Variants in PRKAG2 observed in about 807,000 individuals in gnomAD.
PRKAG2 encodes the protein 5'-AMP-activated protein kinase subunit gamma-2.
In PRKAG2, 26 loss-of-function variants were observed where a neutral mutation model predicts 69.6. That is an observed-to-expected ratio of 0.37 (90% CI 0.27 to 0.52). The LOEUF (loss-of-function observed/expected upper bound fraction) is 0.52. Ranked by LOEUF, PRKAG2 falls within the 20% of genes least tolerant of loss-of-function variation. PRKAG2 has a pLI of 0.90. For missense variants in PRKAG2, 557 were observed against 740.0 expected (o/e 0.75, Z 2.87); for synonymous variants, 293 against 285.0 (o/e 1.03, Z -0.28).
intron 1 of PRKAG2, among the ~76,000 whole-genome samples, chr7:151,855,922 A>G (rs1563758292): frequency 6.6e-6 from 1 of 152,200 alleles, no homozygotes; most frequent in Non-Finnish European, 1.5e-5. Flanking sequence ...ATGCAGTTAC[A>G]TAAAATACCT....
At chr7:151,629,482 G>T (rs1823854972) in intron 5 of PRKAG2, among the ~76,000 whole-genome samples, 1 of 152,150 alleles carries the variant, frequency 6.6e-6, no homozygotes, top group South Asian at 2.1e-4. Flanking sequence ...AGAGGAGTGA[G>T]GCCATCAAAC....
At chr7:151,686,854 G>A (rs1015002347) in intron 3 of PRKAG2, among the ~76,000 whole-genome samples, 1 of 152,128 alleles carries the variant, frequency 6.6e-6, no homozygotes, top group Non-Finnish European at 1.5e-5. Flanking sequence ...CATTGAAACT[G>A]TTCAAAATAT....
chr7:151,831,764 C>T (rs565087118), intron 1 of PRKAG2, among the ~76,000 whole-genome samples: 3 of 152,306 alleles, frequency 2.0e-5, no homozygotes, highest in African/African-American at 7.2e-5. Context: ...GTGTGCCCGA[C>T]AGGTGCTGTG....
intron 6 of PRKAG2, among the ~76,000 whole-genome samples, chr7:151,584,476 A>G (rs529083987): frequency 8.6e-5 from 13 of 151,230 alleles, no homozygotes; most frequent in South Asian, 2.1e-4. Flanking sequence ...AAGGGTTAGG[A>G]AAAAAAAAAT....
intron 3 of PRKAG2, among the ~76,000 whole-genome samples, chr7:151,753,123 A>G (rs1352986822): frequency 3.9e-5 from 6 of 152,270 alleles, no homozygotes; most frequent in Admixed American, 6.5e-5. Context: ...AAAAGTGCTC[A>G]GGTCGTGACA....
intron 5 of PRKAG2, among the ~76,000 whole-genome samples, chr7:151,611,801 C>G (rs1818937013): frequency 6.6e-6 from 1 of 152,236 alleles, no homozygotes; most frequent in East Asian, 1.9e-4. Context: ...TACCTGTAAT[C>G]CCAGCACTTT....
intron 4 of PRKAG2, among the ~76,000 whole-genome samples, chr7:151,634,486 G>A (rs568097189): frequency 7.9e-5 from 12 of 152,252 alleles, no homozygotes; most frequent in African/African-American, 2.2e-4. Context: ...TTTGCTCTGC[G>A]AAAGACCCTG....
At position 151,876,989 on chromosome 7, in the gene PRKAG2, T is replaced by C. The variant is rs2080419647; in HGVS notation, c.-369A>G. 8.4e-6 allele frequency: 3 copies of C among 355,360 alleles called. No individual in the cohort carries two copies. Among genetic ancestry groups the C allele is most frequent in the Admixed American group, 8.2e-5 (2 of 24,506 alleles). 22.0% of individuals were successfully genotyped at this position (355,360 alleles called of 1,614,324 possible). On this transcript the variant is annotated 5_prime_UTR_variant, in exon 1 of 16. Coordinates refer to ENST00000287878, the MANE Select transcript of PRKAG2 (RefSeq NM_016203.4). ...GGCTCCTCCCACAGATTCCCAGAGG[T>C]AATCTGAAAGGCAGGTGCAATTAAA...
At chr7:151,870,146 TAGATAGATAGGCAGGCAGGC>T (rs1250653013) in intron 1 of PRKAG2, among the ~76,000 whole-genome samples, 22 of 132,450 alleles carry the variant, frequency 1.7e-4, no homozygotes, top group Non-Finnish European at 2.2e-4. Context: ...GATAGATAGA[TAGATAGATAGGCAGGCAGGC>T]AGGCAGGCAG....
intron 4 of PRKAG2, among the ~76,000 whole-genome samples, chr7:151,636,503 G>A (rs929487451): frequency 6.6e-6 from 1 of 152,142 alleles, no homozygotes; most frequent in East Asian, 1.9e-4. Flanking sequence ...ACTGCTGAAC[G>A]ATACTCTGTT....
intron 1 of PRKAG2, among the ~76,000 whole-genome samples, chr7:151,858,404 A>G (rs181647663): frequency 6.6e-6 from 1 of 152,296 alleles, no homozygotes; most frequent in East Asian, 1.9e-4. Context: ...TATGGAGATT[A>G]TTTTTATTTT....
intron 1 of PRKAG2, among the ~76,000 whole-genome samples, chr7:151,857,578 T>C (rs961678294): frequency 6.6e-6 from 1 of 152,240 alleles, no homozygotes; most frequent in Non-Finnish European, 1.5e-5. Context: ...CGGCTCCGGC[T>C]TGATGCCCGG....
At position 151,575,893 on chromosome 7, in the gene PRKAG2, C is replaced by A. The variant is rs1289181158; in HGVS notation, c.946+478G>T. On this transcript the variant is annotated intron_variant, in intron 7 of 15. Coordinates refer to ENST00000287878, the MANE Select transcript of PRKAG2 (RefSeq NM_016203.4). ...ACAGTGTGTAGAGTTCTCAATGAGG[C>A]GGCAAAAAAAAAAAAAAAAAGAAAA... Among the ~76,000 whole-genome samples the A allele has an allele frequency of 3.7e-3, 446 of 121,704 alleles. 4 individuals are homozygous for A. The highest frequency in any genetic ancestry group is 0.014 in the African/African-American group (411 of 29,770). The allele number at this position is 121,704 out of a possible 152,430, so 79.8% of individuals were successfully genotyped here.
chr7:151,686,530 C>T (rs577596110), intron 3 of PRKAG2, among the ~76,000 whole-genome samples: 4 of 152,246 alleles, frequency 2.6e-5, no homozygotes, highest in Non-Finnish European at 4.4e-5. Context: ...GGGTACCAGG[C>T]GTTTATGCAG....
At chr7:151,701,230 G>T (rs537113291) in intron 3 of PRKAG2, among the ~76,000 whole-genome samples, 2 of 152,274 alleles carry the variant, frequency 1.3e-5, no homozygotes, top group South Asian at 4.1e-4. Context: ...TCTCCCTCCA[G>T]TCTCTACCTG....
At chr7:151,831,999 A>C (rs1010168975) in intron 1 of PRKAG2, among the ~76,000 whole-genome samples, 2 of 152,064 alleles carry the variant, frequency 1.3e-5, no homozygotes, top group Non-Finnish European at 2.9e-5. Flanking sequence ...CTCGGCAAAG[A>C]ATCTCAAACT....
intron 4 of PRKAG2, among the ~76,000 whole-genome samples, chr7:151,674,578 T>TTAAGTGCTTAGTGAAGCCACGGAGA (rs1832600380): frequency 6.6e-6 from 1 of 152,150 alleles, no homozygotes; most frequent in East Asian, 1.9e-4. Context: ...CAGAGAGTGC[T>TTAAGTGCTTAGTGAAGCCACGGAGA]TAAGTGCTTA....
rs1010087615 is a variant in PRKAG2 at position 151,632,185 on chromosome 7, G to A, written c.685-47C>T. On this transcript the variant is annotated intron_variant, in intron 4 of 15. Transcript: ENST00000287878. This position sits in a 1 kb window ranked among gnomAD's most constrained non-coding sequence, Gnocchi z 4.2. ...GCGATCAGCATGAGCTGCGACGCTCGTCCCCGGCCGGCGGGCTCGCGGCCG... is the reference window on the plus strand; with the variant it reads ...GCGATCAGCATGAGCTGCGACGCTCATCCCCGGCCGGCGGGCTCGCGGCCG... 4.1e-6 allele frequency: 5 copies of A among 1,227,510 alleles called. No individual in the cohort carries two copies. The highest frequency in any genetic ancestry group is 5.1e-6 in the Non-Finnish European group (5 of 976,800). 76.0% of individuals were successfully genotyped at this position (1,227,510 alleles called of 1,614,324 possible).
At chr7:151,595,048 T>A (rs971935298) in intron 6 of PRKAG2, among the ~76,000 whole-genome samples, 1 of 152,190 alleles carries the variant, frequency 6.6e-6, no homozygotes, top group South Asian at 2.1e-4. Context: ...TCTGCCAGCC[T>A]CGGCCTCCCA....
Sources: allele counts gnomAD v4.1 joint callset (sites outside exome capture counted in the v4.1 genomes callset), GRCh38; gene constraint gnomAD v4.1.1; non-coding constraint Gnocchi (gnomAD v3.1); transcripts MANE v1.5; gene names NCBI Gene and HGNC (gene_info 2026-07-23, HGNC 2026-07-21).